LAMA3: variants seen among roughly 807,000 people sequenced by gnomAD.
LAMA3 encodes the protein laminin subunit alpha-3.
LAMA3 carries 281 observed loss-of-function variants against 402.0 expected under a neutral mutation model. The observed-to-expected ratio is 0.70, with a 90% CI of 0.63 to 0.77. The LOEUF is 0.77. Ranked by LOEUF, LAMA3 falls within the 30% of genes least tolerant of loss-of-function variation. The probability of loss-of-function intolerance (pLI) is 0.00; values close to 1 mark genes in which losing one functional copy is unlikely to be tolerated. For synonymous variants in LAMA3, 1,431 were observed against 1,558.4 expected, an observed-to-expected ratio of 0.92 and a Z score of 1.93; for missense variants, 3,840 against 4,215.5, an observed-to-expected ratio of 0.91 and a Z score of 2.47.
At chr18:23,780,853 C>T (rs1326360282) in intron 11 of LAMA3, among the ~76,000 whole-genome samples, 2 of 152,174 alleles carry the variant, frequency 1.3e-5, no homozygotes, top group Admixed American at 6.5e-5. Flanking sequence ...CATTGGGTCA[C>T]TGTCAAGGGA....
At chr18:23,915,527 C>A in intron 59 of LAMA3, 105 bp downstream of exon 59, 2 of 1,089,494 alleles carry the variant, frequency 1.8e-6, no homozygotes, top group Non-Finnish European at 2.8e-6. Flanking sequence ...ATTGATGTTG[C>A]TAGTTGCTTT....
At chr18:23,826,936 A>G (rs1237517148) in intron 22 of LAMA3, 137 bp downstream of exon 22, 7 of 674,026 alleles carry the variant, frequency 1.0e-5, no homozygotes, top group East Asian at 5.4e-5. Flanking sequence ...ATCTTCCTCT[A>G]TGTCTTACTT....
intron 69 of LAMA3, among the ~76,000 whole-genome samples, chr18:23,944,796 G>A (rs9963697): frequency 0.51 from 78,149 of 152,120 alleles, 22,856 homozygotes; most frequent in Non-Finnish European, 0.67. Context: ...GCCAAGCTCC[G>A]ACTTTGGACT....
chr18:23,729,080 T>C (rs2061346884), intron 2 of LAMA3, among the ~76,000 whole-genome samples: 1 of 147,470 alleles, frequency 6.8e-6, no homozygotes, highest in African/African-American at 2.5e-5. Context: ...GGGGTGACCA[T>C]ACTGAAGTTT....
chr18:23,843,141 G>T (rs541351370), intron 29 of LAMA3, among the ~76,000 whole-genome samples: 2 of 151,876 alleles, frequency 1.3e-5, no homozygotes, highest in Non-Finnish European at 2.9e-5. Context: ...CGTTCCTTCC[G>T]ATTTGACACC....
intron 20 of LAMA3, among the ~76,000 whole-genome samples, chr18:23,822,714 T>C (rs556740095): frequency 9.8e-5 from 15 of 152,344 alleles, no homozygotes; most frequent in African/African-American, 3.6e-4. Flanking sequence ...TTGGTGTTAT[T>C]TGAGAGATTT....
At chr18:23,934,866 C>T (rs1273688754) in intron 67 of LAMA3, among the ~76,000 whole-genome samples, 2 of 152,234 alleles carry the variant, frequency 1.3e-5, no homozygotes, top group Non-Finnish European at 2.9e-5. Flanking sequence ...TGCTGCTTCT[C>T]TACCAATATT....
At chr18:23,850,338 A>G (rs897509595) in intron 32 of LAMA3, among the ~76,000 whole-genome samples, 1 of 152,368 alleles carries the variant, frequency 6.6e-6, no homozygotes, top group South Asian at 2.1e-4. Flanking sequence ...TTAGCAATCT[A>G]CAATACTCAC....
chr18:23,894,315 C>A lies in LAMA3; in HGVS notation c.5428C>A (p.Pro1810Thr). The A allele has an allele frequency of 6.2e-7, 1 of 1,613,286 alleles. No individual in the cohort carries two copies. Among genetic ancestry groups the A allele is most frequent in the Non-Finnish European group, 8.5e-7 (1 of 1,179,288 alleles). The stretch of plus-strand genomic sequence containing the variant: ...GATTTTAGACTGCATAAACCAAGAA[C>A]CCAAAGATAGCAGCCCTGCAGAAGA... The part of the protein sequence containing the change: ...PLTGDCINQE[P>T]KDSSPAEECD... The change falls in exon 43 of 75, where the codon CCC (proline) becomes ACC (threonine). Residue 1810 changes from proline to threonine, a missense_variant. Physicochemically the swap from Pro to Thr is conservative, Grantham distance 38 (BLOSUM62 -1). Transcript: ENST00000313654.
At chr18:23,748,288 G>A (rs2061686814) in intron 3 of LAMA3, among the ~76,000 whole-genome samples, 1 of 151,386 alleles carries the variant, frequency 6.6e-6, no homozygotes, top group Non-Finnish European at 1.5e-5. Flanking sequence ...AATTAGCCAG[G>A]CACATGCCTG....
intron 41 of LAMA3, among the ~76,000 whole-genome samples, chr18:23,887,099 T>G (rs2065097246): frequency 6.6e-6 from 1 of 152,154 alleles, no homozygotes. Flanking sequence ...CAATGAAAAA[T>G]GTATGGAGGT....
intron 5 of LAMA3, among the ~76,000 whole-genome samples, chr18:23,752,793 C>T (rs1450952331): frequency 6.6e-6 from 1 of 152,204 alleles, no homozygotes; most frequent in Non-Finnish European, 1.5e-5. Flanking sequence ...CAATAGAGCT[C>T]TTTAAGGCAG....
rs759662848 is a variant in LAMA3 at position 23,946,245 on chromosome 18, G to T, written c.9312G>T (p.Ala3104=). 1.2e-6 allele frequency: 2 copies of T among 1,614,094 alleles called. No homozygotes were observed. The highest frequency in any genetic ancestry group is 1.7e-6 in the Non-Finnish European group (2 of 1,180,002). The change falls in exon 70 of 75, where the codon GCG becomes GCT. Residue 3104 remains alanine (A), a synonymous_variant. Transcript: ENST00000313654. ...GAAACTCCACCATCAGCATCAGAGC[G>T]CCAGTTTACCTGGGATCACCTCCAT... ...LPGNSTISIR[A]PVYLGSPPSG...
intron 64 of LAMA3, among the ~76,000 whole-genome samples, chr18:23,929,621 G>A (rs1215021401): frequency 6.6e-6 from 1 of 151,560 alleles, no homozygotes; most frequent in Non-Finnish European, 1.5e-5. Flanking sequence ...TAGGAAGGCT[G>A]CCCCTCTCTT....
At chr18:23,724,063 A>G (rs1166547880) in intron 2 of LAMA3, among the ~76,000 whole-genome samples, 1 of 152,120 alleles carries the variant, frequency 6.6e-6, no homozygotes, top group Non-Finnish European at 1.5e-5. Flanking sequence ...CCCAAAGTCC[A>G]TTGAGTAATT....
chr18:23,715,123 G>A (rs140376645), intron 2 of LAMA3, among the ~76,000 whole-genome samples: 14 of 152,226 alleles, frequency 9.2e-5, no homozygotes, highest in East Asian at 1.9e-4. Context: ...AAATTGGGGC[G>A]TGACTAATAA....
At chr18:23,786,840 T>C (rs2062554646) in intron 12 of LAMA3, among the ~76,000 whole-genome samples, 1 of 152,174 alleles carries the variant, frequency 6.6e-6, no homozygotes, top group Non-Finnish European at 1.5e-5. Context: ...AATGGAACTT[T>C]TGGAGTTGAA....
chr18:23,922,768 G>A (rs979243262), intron 62 of LAMA3, among the ~76,000 whole-genome samples: 7 of 152,176 alleles, frequency 4.6e-5, no homozygotes, highest in African/African-American at 1.2e-4. Flanking sequence ...AAATAAAATC[G>A]TTTAAGGTAG....
At chr18:23,709,309 G>A (rs1442123145) in intron 1 of LAMA3, among the ~76,000 whole-genome samples, 1 of 152,164 alleles carries the variant, frequency 6.6e-6, no homozygotes. Context: ...CTGGGCTCAA[G>A]CAATCTGCCC....
Sources: gnomAD v4.1 joint callset for allele counts (sites outside exome capture counted in the v4.1 genomes callset) on GRCh38, gnomAD v4.1.1 for gene constraint, MANE v1.5 for transcripts, NCBI Gene and HGNC (gene_info 2026-07-23, HGNC 2026-07-21) for gene names.